ANK3: variants seen among roughly 807,000 people sequenced by gnomAD.
ANK3 encodes ankyrin-3.
ANK3 carries 57 observed loss-of-function variants against 370.9 expected under a neutral mutation model. The ratio of observed to expected loss-of-function variants is 0.15; its 90% confidence interval spans 0.12 to 0.19. ANK3 has a LOEUF of 0.19. Ranked by LOEUF, ANK3 falls within the 10% of genes least tolerant of loss-of-function variation. The pLI is 1.00. For synonymous variants in ANK3, 1,929 were observed against 1,946.3 expected, an observed-to-expected ratio of 0.99 and a Z score of 0.23; for missense variants, 4,439 against 5,302.1, an observed-to-expected ratio of 0.84 and a Z score of 5.06.
chr10:60,361,465 G>A (rs1055094125), intron 1 of ANK3, among the ~76,000 whole-genome samples: 4 of 152,156 alleles, frequency 2.6e-5, no homozygotes, highest in African/African-American at 9.7e-5. Context: ...GAATAGAATT[G>A]TGAATTTAAT....
chr10:60,507,750 A>T (rs1383652866), intron 2 of ANK3: 1 of 152,094 alleles, frequency 6.6e-6, no homozygotes, highest in African/African-American at 2.4e-5. Context: ...TAGAGAATTA[A>T]GAGTAATGAA....
intron 7 of ANK3, among the ~76,000 whole-genome samples, chr10:60,241,675 C>T (rs898915609): frequency 1.3e-5 from 2 of 152,098 alleles, no homozygotes; most frequent in Non-Finnish European, 2.9e-5. Context: ...ACTTAACTTT[C>T]CCATCAAACT....
intron 43 of ANK3, among the ~76,000 whole-genome samples, chr10:60,042,159 C>G (rs1419486704): frequency 6.6e-6 from 1 of 152,208 alleles, no homozygotes; most frequent in Non-Finnish European, 1.5e-5. Flanking sequence ...GTGCCATTAA[C>G]CTCCTATTTT....
In ANK3 at chr10:60,684,247, C is replaced by T. The variant is rs879175805; in HGVS notation, c.57+49016G>A. Among the ~76,000 whole-genome samples the T allele has an allele frequency of 2.6e-5, 4 of 152,168 alleles. No homozygotes were observed. In the South Asian group the frequency reaches 8.3e-4, roughly 32 times the overall value. On this transcript the variant is annotated intron_variant, in intron 1 of 43. Transcript: ENST00000373827. The stretch of plus-strand genomic sequence containing the variant: ...CGCAGGCAGGGGGTGGGGTCTGTTG[C>T]GTGGAGCTGCCGGACAACCACCATT...
intron 5 of ANK3, among the ~76,000 whole-genome samples, chr10:60,267,376 C>T (rs915619631): frequency 2.0e-5 from 3 of 152,150 alleles, no homozygotes; most frequent in African/African-American, 7.2e-5. Flanking sequence ...AAGGTTCAAA[C>T]ATCTCTAGGT....
chr10:60,318,565 C>A (rs7072072), intron 1 of ANK3, among the ~76,000 whole-genome samples: 22,167 of 152,038 alleles, frequency 0.15, 1,719 homozygotes, highest in African/African-American at 0.17. Flanking sequence ...GACCAGGTAG[C>A]CTCAATGTCA....
chr10:60,579,012 G>A (rs1045364777), intron 2 of ANK3, among the ~76,000 whole-genome samples: 2 of 151,914 alleles, frequency 1.3e-5, no homozygotes, highest in Non-Finnish European at 2.9e-5. Flanking sequence ...TCAAGGAACA[G>A]GAGAAAAAAA....
chr10:60,716,512 TA>T (rs201017063), intron 1 of ANK3, among the ~76,000 whole-genome samples: 19 of 150,652 alleles, frequency 1.3e-4, no homozygotes, highest in South Asian at 1.0e-3. Context: ...ACACTCAATT[TA>T]AAAAAAAAAT....
chr10:60,584,169 G>A (rs1041373768), intron 2 of ANK3, among the ~76,000 whole-genome samples: 16 of 152,266 alleles, frequency 1.1e-4, no homozygotes, highest in South Asian at 8.3e-4. Context: ...GAGGAAGATT[G>A]GGAATTAGGG....
chr10:60,498,867 A>G (rs2075725901), intron 2 of ANK3, among the ~76,000 whole-genome samples: 1 of 152,228 alleles, frequency 6.6e-6, no homozygotes, highest in Admixed American at 6.5e-5. Flanking sequence ...TAAAACAATC[A>G]ATATACCTAT....
intron 23 of ANK3, among the ~76,000 whole-genome samples, chr10:60,141,585 T>TTTTTTC (rs2094570210): frequency 6.8e-6 from 1 of 147,338 alleles, no homozygotes; most frequent in Non-Finnish European, 1.5e-5. Flanking sequence ...TTTTTTTTTT[T>TTTTTTC]TGCTTCCCTC....
intron 43 of ANK3, 60 bp from the exon 44 acceptor site, chr10:60,029,886 T>C (rs1234025885): frequency 6.0e-5 from 8 of 133,606 alleles, no homozygotes; most frequent in African/African-American, 2.2e-4. Context: ...TTTTTTTTTT[T>C]TTTTTTTTTT....
chr10:60,715,233 G>GTGTT (rs1359630063), intron 1 of ANK3, among the ~76,000 whole-genome samples: 1 of 151,698 alleles, frequency 6.6e-6, no homozygotes, highest in Non-Finnish European at 1.5e-5. Flanking sequence ...GTGTGTGTGT[G>GTGTT]TGTGTGTGTG....
chr10:60,418,116 T>G (rs958662905), intron 2 of ANK3, among the ~76,000 whole-genome samples: 4 of 152,194 alleles, frequency 2.6e-5, no homozygotes, highest in Admixed American at 6.5e-5. Flanking sequence ...ATTCCTGAGA[T>G]GGACTATTGC....
chr10:60,488,633 C>T (rs2075411008), intron 2 of ANK3, among the ~76,000 whole-genome samples: 1 of 152,180 alleles, frequency 6.6e-6, no homozygotes, highest in South Asian at 2.1e-4. Context: ...TTTGCCTATT[C>T]TGGGCATATC....
rs771641313 is a variant in ANK3, at chr10:60,070,468, T to C, written c.10413A>G (p.Gly3471=). ...QSKLEVIEEE[G]KVGPDEDKPP... Reference sequence around the variant, plus strand: ...GCTTGTCCTCATCTGGTCCCACCTTTCCCTCCTCCTCGATAACTTCAAGTT... The same window carrying C: ...GCTTGTCCTCATCTGGTCCCACCTTCCCCTCCTCCTCGATAACTTCAAGTT... The change falls in exon 37 of 44, where the codon GGA becomes GGG. Residue 3471 remains glycine (G), a synonymous_variant. Coordinates refer to ENST00000280772, the MANE Select transcript of ANK3 (RefSeq NM_020987.5). The surrounding 1 kb of genome is among the most constrained non-coding windows in gnomAD (Gnocchi z 5.7). 6.2e-7 allele frequency: 1 copy of C among 1,614,116 alleles called. No individual in the cohort carries two copies. The highest frequency in any genetic ancestry group is 8.5e-7 in the Non-Finnish European group (1 of 1,180,020).
At chr10:60,266,282 A>G (rs1216523813) in intron 5 of ANK3, among the ~76,000 whole-genome samples, 1 of 152,188 alleles carries the variant, frequency 6.6e-6, no homozygotes, top group East Asian at 1.9e-4. Context: ...AGGTACATAC[A>G]TGTATCTAAT....
chr10:60,228,661 C>A (rs973105769), intron 8 of ANK3, among the ~76,000 whole-genome samples: 6 of 151,644 alleles, frequency 4.0e-5, no homozygotes, highest in South Asian at 2.1e-4. Flanking sequence ...TTATCTTTAT[C>A]TTTCCTTTGA....
At chr10:60,693,597 C>T (rs986022471) in intron 1 of ANK3, among the ~76,000 whole-genome samples, 2 of 152,172 alleles carry the variant, frequency 1.3e-5, no homozygotes, top group Non-Finnish European at 2.9e-5. Context: ...TGACCCCTGA[C>T]CCCCAAGCAG....
Sources: gnomAD v4.1 joint callset for allele counts (sites outside exome capture counted in the v4.1 genomes callset) on GRCh38, gnomAD v4.1.1 for gene constraint, Gnocchi (gnomAD v3.1) non-coding constraint, MANE v1.5 for transcripts, NCBI Gene and HGNC (gene_info 2026-07-23, HGNC 2026-07-21) for gene names.